The following XG variants were observed in gnomAD, a reference collection of about 807,000 sequenced individuals.
XG encodes the protein Xg glycoprotein (Xg blood group).
Under a neutral mutation model 25.7 loss-of-function variants are expected in XG, and 24 were observed. That is an observed-to-expected ratio of 0.93 (90% CI 0.68 to 1.31). The LOEUF (loss-of-function observed/expected upper bound fraction) is 1.31, where lower values mean the gene tolerates loss of function less well. Ranked by LOEUF, XG falls within the 40% of genes most tolerant of loss-of-function variation. XG has a pLI of 0.00. For missense variants in XG, 181 were observed against 187.6 expected (o/e 0.96, Z 0.21); for synonymous variants, 77 against 69.2 (o/e 1.11, Z -0.56).
At chrX:2,810,161 A>C (rs1487506084) in intron 9 of XG, among the ~76,000 whole-genome samples, 2 of 112,138 alleles carry the variant, frequency 1.8e-5, no homozygotes, top group Admixed American at 9.5e-5. Flanking sequence ...TTCGTGGAGC[A>C]GTCTTGTGTC....
intron 3 of XG, among the ~76,000 whole-genome samples, chrX:2,775,783 T>A (rs311160): frequency 2.0e-5 from 3 of 150,896 alleles, no homozygotes; most frequent in African/African-American, 4.9e-5. Flanking sequence ...TGGTGAAACC[T>A]GGTCTCTACT....
intron 4 of XG, among the ~76,000 whole-genome samples, chrX:2,785,021 C>T (rs2086770891): frequency 8.9e-6 from 1 of 112,036 alleles, no homozygotes; most frequent in Admixed American, 9.5e-5. Flanking sequence ...TGGTTTTACA[C>T]ATTTTAGGGA....
At chrX:2,781,844 A>G (rs1336235210) in intron 3 of XG, among the ~76,000 whole-genome samples, 1 of 103,942 alleles carries the variant, frequency 9.6e-6, no homozygotes, top group Non-Finnish European at 2.0e-5. Flanking sequence ...ACTTCTAGTA[A>G]CAAAACGGAA....
chrX:2,767,298 A>C (rs2050721532), intron 1 of XG, among the ~76,000 whole-genome samples: 2 of 152,056 alleles, frequency 1.3e-5, no homozygotes, highest in African/African-American at 4.8e-5. Flanking sequence ...GGTCCCGAGC[A>C]CAGCTTTACC....
In XG at chrX:2,756,265, G is replaced by A. The variant is rs2050432854; in HGVS notation, c.61+3930G>A. Among the ~76,000 whole-genome samples the A allele has an allele frequency of 2.6e-5, 4 of 152,114 alleles. No homozygotes were observed. The South Asian group carries it at 8.3e-4, about 31-fold the overall frequency. ...GACAAAATCAGGTCTTCTAACAGCT[G>A]AGAAGAAGCTGAGAACCAGAAGTGG... is the stretch of plus-strand genomic sequence containing the variant. On this transcript the variant is annotated intron_variant, in intron 1 of 10. Transcript: ENST00000644266.
chrX:2,773,822 A>C (rs769420187), intron 2 of XG, among the ~76,000 whole-genome samples: 28 of 128,740 alleles, frequency 2.2e-4, no homozygotes, highest in Non-Finnish European at 3.2e-4. Context: ...AAGGAAGGAG[A>C]GAAGGAAGGA....
chrX:2,792,118 A>G (rs1474034521), intron 5 of XG, among the ~76,000 whole-genome samples: 6 of 110,713 alleles, frequency 5.4e-5, no homozygotes, highest in Admixed American at 1.9e-4. Flanking sequence ...CCCCATCTCC[A>G]TTAAAATACA....
At chrX:2,799,476 T>G (rs1357712522) in intron 7 of XG, among the ~76,000 whole-genome samples, 8 of 111,654 alleles carry the variant, frequency 7.2e-5, no homozygotes, top group Non-Finnish European at 9.4e-5. Flanking sequence ...TTTGTCTGGC[T>G]CAGTGAATCT....
chrX:2,797,480 G>A (rs2086896958), intron 7 of XG, 120 bp downstream of exon 7: 1 of 784,239 alleles, frequency 1.3e-6, no homozygotes, highest in Non-Finnish European at 1.9e-6. Flanking sequence ...GTAGGGTGCT[G>A]TGTGCTGGTG....
intron 6 of XG, among the ~76,000 whole-genome samples, chrX:2,796,464 GTA>G (rs1333818688): frequency 3.0e-5 from 2 of 65,753 alleles, no homozygotes; most frequent in Admixed American, 2.3e-4. Context: ...ATACATTTAG[GTA>G]TATGTGTGTG....
intron 7 of XG, among the ~76,000 whole-genome samples, chrX:2,805,708 C>T (rs1409607880): frequency 1.8e-5 from 2 of 112,017 alleles, no homozygotes; most frequent in Non-Finnish European, 3.8e-5. Context: ...CTCACAGGGT[C>T]GTCCCTCTGT....
intron 1 of XG, among the ~76,000 whole-genome samples, chrX:2,759,338 G>C (rs2050510852): frequency 6.6e-6 from 1 of 152,202 alleles, no homozygotes; most frequent in Admixed American, 6.5e-5. Context: ...CCCTGCGAAA[G>C]GGGACAGGTT....
chrX:2,783,297 T>C (rs751604396), intron 4 of XG, among the ~76,000 whole-genome samples: 23 of 82,800 alleles, frequency 2.8e-4, no homozygotes, highest in African/African-American at 2.2e-4. Context: ...ACACTCATCA[T>C]TGAAAAATAT....
chrX:2,777,044 G>C (rs914994149), intron 3 of XG, among the ~76,000 whole-genome samples: 3 of 152,174 alleles, frequency 2.0e-5, no homozygotes, highest in African/African-American at 7.2e-5. Context: ...AAGAAGCTCT[G>C]CAAATTTTGC....
chrX:2,772,347 G>C (rs1165040287), intron 2 of XG, among the ~76,000 whole-genome samples: 1 of 152,194 alleles, frequency 6.6e-6, no homozygotes, highest in African/African-American at 2.4e-5. Context: ...TGAATGAACA[G>C]AATGTGGTCC....
chrX:2,752,614 C>T (rs1424955682), intron 1 of XG, among the ~76,000 whole-genome samples: 2 of 152,092 alleles, frequency 1.3e-5, no homozygotes, highest in South Asian at 2.1e-4. Flanking sequence ...GTGTCCCAAG[C>T]GTTTAAAAAA....
chrX:2,804,607 G>T lies in XG; in HGVS notation c.374-2094G>T, dbSNP rs2086976422. On this transcript the variant is annotated intron_variant, in intron 7 of 10. Transcript: ENST00000644266. ...ACCCCATGCACGATTCTCTGAAACTGCTCTCTGTAAGGAGCTATTCGGGAC... is the reference window on the plus strand; with the variant it reads ...ACCCCATGCACGATTCTCTGAAACTTCTCTCTGTAAGGAGCTATTCGGGAC... Among the ~76,000 whole-genome samples, 4 of 111,749 alleles carry T rather than the reference G, an allele frequency of 3.6e-5. 1 individual carries two copies. In the South Asian group the frequency reaches 1.5e-3, roughly 42 times the overall value.
rs1417944153 is a variant in XG, at chrX:2,801,174, C to T, written c.373+3814C>T. 5.4e-5 allele frequency among the ~76,000 whole-genome samples: 5 copies of T among 92,860 alleles called. No individual in the cohort carries two copies. In the East Asian group the frequency reaches 1.7e-3, roughly 31 times the overall value. 80.6% of individuals were successfully genotyped at this position (92,860 alleles called of 115,157 possible). ...TTTAATTCACACAGAGCTGACTGAACGGGAGCATGTGAAGCAGCTATGCTG... is the reference window on the plus strand; with the variant it reads ...TTTAATTCACACAGAGCTGACTGAATGGGAGCATGTGAAGCAGCTATGCTG... On this transcript the variant is annotated intron_variant, in intron 7 of 10. Transcript: ENST00000644266.
intron 10 of XG, among the ~76,000 whole-genome samples, chrX:2,813,611 C>T (rs1460538625): frequency 8.9e-6 from 1 of 112,506 alleles, no homozygotes; most frequent in Non-Finnish European, 1.9e-5. Flanking sequence ...TGAGGCCATA[C>T]ACTGAAGCTT....
Sources: gnomAD v4.1 joint callset for allele counts (sites outside exome capture counted in the v4.1 genomes callset) on GRCh38, gnomAD v4.1.1 for gene constraint, MANE v1.5 for transcripts, NCBI Gene and HGNC (gene_info 2026-07-23, HGNC 2026-07-21) for gene names.